The following COL19A1 variants were observed in gnomAD, a reference collection of about 807,000 sequenced individuals.
The protein encoded by COL19A1 is collagen alpha-1(XIX) chain.
Under a neutral mutation model 190.2 loss-of-function variants are expected in COL19A1, and 159 were observed. The observed-to-expected ratio is 0.84, with a 90% CI of 0.73 to 0.95. The LOEUF (loss-of-function observed/expected upper bound fraction) is 0.95, where lower values mean the gene tolerates loss of function less well. Ranked by LOEUF, COL19A1 falls within the 40% of genes least tolerant of loss-of-function variation. The probability of loss-of-function intolerance (pLI) is 0.00; values close to 1 mark genes in which losing one functional copy is unlikely to be tolerated. For synonymous variants in COL19A1, 509 were observed against 458.9 expected (o/e 1.11, Z -1.39); for missense variants, 1,418 against 1,431.9 (o/e 0.99, Z 0.16).
At chr6:70,184,991 TG>T in intron 46 of COL19A1, 76 bp downstream of exon 46, 4 of 1,417,650 alleles carry the variant, frequency 2.8e-6, no homozygotes, top group Non-Finnish European at 3.9e-6. Context: ...TACACAATTA[TG>T]TGTGTAGACC....
At chr6:69,948,487 T>C (rs747292070) in intron 9 of COL19A1, among the ~76,000 whole-genome samples, 10 of 151,786 alleles carry the variant, frequency 6.6e-5, no homozygotes, top group Non-Finnish European at 1.0e-4. Context: ...CCTGAAAAGG[T>C]GATGTCCACA....
Position 70,157,225 on chromosome 6 carries a change from A to C in COL19A1, c.2292+502A>C, listed in dbSNP as rs142840654. ...TTTCAAATTCTTGGGAGAAAAAAAA[A>C]CTGTCAGAAAAATCTTCTTGTTCTA... On this transcript the variant is annotated intron_variant, in intron 34 of 50. Coordinates refer to ENST00000620364, the MANE Select transcript of COL19A1 (RefSeq NM_001858.6). Among the ~76,000 whole-genome samples, 585 of 152,118 alleles carry C rather than the reference A, an allele frequency of 3.8e-3. 7 individuals are homozygous for C. The highest frequency in any genetic ancestry group is 0.013 in the African/African-American group (556 of 41,530).
At chr6:69,989,481 C>A (rs2345744) in intron 11 of COL19A1, among the ~76,000 whole-genome samples, 23,330 of 151,694 alleles carry the variant, frequency 0.15, 2,432 homozygotes, top group African/African-American at 0.28. Context: ...AAGCTTGTCC[C>A]AACCACGGCC....
intron 15 of COL19A1, among the ~76,000 whole-genome samples, chr6:70,091,970 T>C (rs1188439334): frequency 6.6e-6 from 1 of 152,112 alleles, no homozygotes; most frequent in Non-Finnish European, 1.5e-5. Flanking sequence ...TAAAGAAAAA[T>C]ACTCTCGGTT....
chr6:69,974,510 A>T (rs1775601958), intron 11 of COL19A1, among the ~76,000 whole-genome samples: 1 of 152,212 alleles, frequency 6.6e-6, no homozygotes, highest in South Asian at 2.1e-4. Context: ...GGAGCACATG[A>T]TAGCACCCAG....
Position 69,897,182 on chromosome 6 carries a change from T to A in COL19A1, c.92-1766T>A, listed in dbSNP as rs578070128. Among the ~76,000 whole-genome samples, 5 of 152,310 alleles carry A rather than the reference T, an allele frequency of 3.3e-5. No individual in the cohort carries two copies. In the South Asian group the frequency reaches 1.0e-3, roughly 32 times the overall value. On this transcript the variant is annotated intron_variant, in intron 2 of 50. Transcript: ENST00000620364. ...GTGTGAAATAAGGTTCAACATTCAG[T>A]GTTTTTCTGTATGGATATTCTGTTG... is the stretch of plus-strand genomic sequence containing the variant.
rs1371555991 is a variant in COL19A1 at position 70,082,462 on chromosome 6, G to A, written c.1224+13986G>A. Among the ~76,000 whole-genome samples, 3 of 151,978 alleles carry A rather than the reference G, an allele frequency of 2.0e-5. No homozygotes were observed. The East Asian group carries it at 5.8e-4, about 29-fold the overall frequency. ...GTCTCACTCTGTCTTCCCCAGGCTG[G>A]AGTGCAGTGGTGCGATCTTGGCTCA... is the stretch of plus-strand genomic sequence containing the variant. On this transcript the variant is annotated intron_variant, in intron 15 of 50. Coordinates refer to ENST00000620364, the MANE Select transcript of COL19A1 (RefSeq NM_001858.6).
intron 1 of COL19A1, among the ~76,000 whole-genome samples, chr6:69,878,894 A>G (rs1341648612): frequency 6.6e-6 from 1 of 152,176 alleles, no homozygotes; most frequent in Non-Finnish European, 1.5e-5. Context: ...TTCTGAAACA[A>G]TGTACAAAAT....
chr6:69,894,615 G>A (rs116912758), intron 2 of COL19A1, among the ~76,000 whole-genome samples: 1 of 152,194 alleles, frequency 6.6e-6, no homozygotes, highest in Admixed American at 6.5e-5. Context: ...TAGACATGCA[G>A]AAGAAAACCC....
At chr6:70,204,438 G>A (rs572513441) in intron 49 of COL19A1, among the ~76,000 whole-genome samples, 2 of 152,292 alleles carry the variant, frequency 1.3e-5, no homozygotes, top group East Asian at 3.9e-4. Flanking sequence ...GTGCAATTCA[G>A]TCGCTTTATC....
chr6:69,994,127 A>G (rs1776773288), intron 11 of COL19A1, among the ~76,000 whole-genome samples: 1 of 152,028 alleles, frequency 6.6e-6, no homozygotes, highest in Non-Finnish European at 1.5e-5. Flanking sequence ...AGTAAATAAC[A>G]TATATGGATA....
At chr6:70,172,308 C>A (rs1238544629) in intron 41 of COL19A1, among the ~76,000 whole-genome samples, 4 of 152,018 alleles carry the variant, frequency 2.6e-5, no homozygotes, top group Non-Finnish European at 5.9e-5. Flanking sequence ...GAGCAAAGAC[C>A]TGAAGGAGGT....
chr6:70,144,862 C>A, intron 24 of COL19A1, 56 bp from the exon 25 acceptor site: 1 of 1,111,272 alleles, frequency 9.0e-7, no homozygotes, highest in South Asian at 1.4e-5. Flanking sequence ...ACTACCTCCT[C>A]ACTTCCCACC....
At chr6:70,049,237 G>A (rs1215365773) in intron 14 of COL19A1, among the ~76,000 whole-genome samples, 3 of 151,896 alleles carry the variant, frequency 2.0e-5, no homozygotes, top group Admixed American at 2.0e-4. Flanking sequence ...ATCCAACTTA[G>A]TATTGGGATT....
chr6:70,042,882 T>C (rs999502810), intron 14 of COL19A1, among the ~76,000 whole-genome samples: 21 of 152,228 alleles, frequency 1.4e-4, no homozygotes, highest in Non-Finnish European at 2.9e-5. Context: ...TCCTCACTTA[T>C]TCAAGCTTAC....
chr6:69,930,808 A>G (rs1562009278), intron 6 of COL19A1, among the ~76,000 whole-genome samples: 1 of 152,188 alleles, frequency 6.6e-6, no homozygotes, highest in African/African-American at 2.4e-5. Context: ...CAAAAAACAA[A>G]AAACAAACAA....
intron 40 of COL19A1, among the ~76,000 whole-genome samples, chr6:70,170,096 C>G (rs2150271469): frequency 6.6e-6 from 1 of 152,196 alleles, no homozygotes; most frequent in East Asian, 1.9e-4. Flanking sequence ...GTGTTCCTTG[C>G]TTTTAGAGAT....
At chr6:70,148,986 T>C (rs1455834048) in intron 27 of COL19A1, among the ~76,000 whole-genome samples, 1 of 151,132 alleles carries the variant, frequency 6.6e-6, no homozygotes, top group Non-Finnish European at 1.5e-5. Context: ...AAAAAATCAC[T>C]CAGGGACACA....
intron 9 of COL19A1, among the ~76,000 whole-genome samples, chr6:69,948,103 C>G (rs534044788): frequency 1.6e-4 from 25 of 151,720 alleles, no homozygotes; most frequent in Non-Finnish European, 3.2e-4. Context: ...TACCTTGTAC[C>G]CTTATTCTAC....
Sources: allele counts gnomAD v4.1 joint callset (sites outside exome capture counted in the v4.1 genomes callset), GRCh38; gene constraint gnomAD v4.1.1; transcripts MANE v1.5; gene names NCBI Gene and HGNC (gene_info 2026-07-23, HGNC 2026-07-21).